The following SEC24D variants were observed in gnomAD, a reference collection of about 807,000 sequenced individuals.
The protein encoded by SEC24D is protein transport protein Sec24D.
A neutral mutation model predicts 116.9 loss-of-function variants in SEC24D; 69 were observed. The ratio of observed to expected loss-of-function variants is 0.59; its 90% CI spans 0.49 to 0.72. SEC24D has a LOEUF of 0.72. SEC24D is among the 30% of genes least tolerant of loss of function. The pLI is 0.00. For missense variants in SEC24D, 1,131 were observed against 1,264.1 expected, an observed-to-expected ratio of 0.89 and a Z score of 1.60; for synonymous variants, 405 against 442.8, an observed-to-expected ratio of 0.91 and a Z score of 1.07.
At chr4:118,796,990 T>C (rs961317190) in intron 8 of SEC24D, among the ~76,000 whole-genome samples, 4 of 152,186 alleles carry the variant, frequency 2.6e-5, no homozygotes, top group African/African-American at 9.7e-5. Flanking sequence ...CTTGCTCTGC[T>C]ATAGTGCCTG....
Position 118,744,977 on chromosome 4 carries a change from A to G in SEC24D, c.1791T>C (p.Asp597=), listed in dbSNP as rs774770545. Residue 597 remains aspartate, a synonymous_variant, in exon 14 of 23, where the codon GAT becomes GAC. Coordinates refer to ENST00000280551, the MANE Select transcript of SEC24D (RefSeq NM_014822.4). ...TGTCTGTATTAACCAGTTTTTTGTC[A>G]TCTCTGTTTTTGAGCTTCCCTGGTG... ...AEAPGKLKNR[D]DKKLVNTDKE... is the part of the protein sequence containing the mutation. The G allele has an allele frequency of 4.3e-6, 7 of 1,611,728 alleles. No individual in the cohort carries two copies. In the Admixed American group the frequency reaches 1.2e-4, roughly 27 times the overall value.
intron 8 of SEC24D, among the ~76,000 whole-genome samples, chr4:118,784,847 G>A (rs1295624539): frequency 2.0e-5 from 3 of 149,208 alleles, no homozygotes; most frequent in Non-Finnish European, 4.4e-5. Context: ...GAGAATAATA[G>A]TGAAACCTAA....
chr4:118,817,171 A>T, intron 4 of SEC24D, 93 bp downstream of exon 4: 1 of 1,007,490 alleles, frequency 9.9e-7, no homozygotes, highest in South Asian at 1.8e-5. Context: ...AGTATGCCCT[A>T]GTTACATCTA....
intron 13 of SEC24D, 44 bp downstream of exon 13, chr4:118,751,952 T>C: frequency 1.5e-6 from 2 of 1,308,362 alleles, no homozygotes; most frequent in Non-Finnish European, 2.2e-6. Context: ...GTCTCTCTGT[T>C]TTTAAAATTT....
chr4:118,742,720 ATGT>A (rs1336549568), intron 15 of SEC24D, among the ~76,000 whole-genome samples: 2 of 152,188 alleles, frequency 1.3e-5, no homozygotes, highest in African/African-American at 4.8e-5. Flanking sequence ...TTTGTCATTT[ATGT>A]TGGAGAATAC....
chr4:118,792,511 A>C (rs572856102), intron 8 of SEC24D, among the ~76,000 whole-genome samples: 342 of 152,364 alleles, frequency 2.2e-3, no homozygotes, highest in Non-Finnish European at 3.8e-3. Flanking sequence ...TGTAGAAAGA[A>C]GTAGACATAG....
Position 118,752,069 on chromosome 4 carries a change from T to G in SEC24D, c.1634A>C (p.Asp545Ala). The G allele has an allele frequency of 1.2e-6, 2 of 1,611,612 alleles. No individual in the cohort carries two copies. The highest frequency in any genetic ancestry group is 1.7e-6 in the Non-Finnish European group (2 of 1,178,234). Residue 545 changes from aspartate to alanine, a missense_variant, in exon 13 of 23, where the codon GAC becomes GCC. Coordinates refer to ENST00000280551, the MANE Select transcript of SEC24D (RefSeq NM_014822.4). The part of the protein sequence containing the change: ...VIHNLLDQIP[D>A]MFADSNENET... The stretch of plus-strand genomic sequence containing the variant: ...ATTTTCATTAGAGTCTGCAAACATG[T>G]CTGGAATCTGGTCCAACAAACTATA...
intron 20 of SEC24D, 104 bp from the exon 21 acceptor site, chr4:118,731,611 A>C (rs1283084208): frequency 1.2e-6 from 1 of 841,546 alleles, no homozygotes; most frequent in Non-Finnish European, 1.9e-6. Context: ...CTCAATGCAT[A>C]GTGAGTACCT....
chr4:118,807,028 A>G (rs1214262726), intron 6 of SEC24D, among the ~76,000 whole-genome samples: 2 of 152,212 alleles, frequency 1.3e-5, no homozygotes, highest in East Asian at 1.9e-4. Context: ...AATAAAAGAA[A>G]CTTCTAAAAG....
At chr4:118,773,904 ACTATT>A (rs1299193025) in intron 8 of SEC24D, among the ~76,000 whole-genome samples, 1 of 152,208 alleles carries the variant, frequency 6.6e-6, no homozygotes, top group Non-Finnish European at 1.5e-5. Flanking sequence ...AGAGAGCAAT[ACTATT>A]CTATTTAGAA....
intron 17 of SEC24D, 108 bp from the exon 18 acceptor site, chr4:118,739,395 CCTCTAA>C (rs1401833894): frequency 1.0e-6 from 1 of 970,608 alleles, no homozygotes; most frequent in African/African-American, 1.7e-5. Context: ...AGATAAAAGA[CCTCTAA>C]CTATTTTTCC....
rs552334177 is a variant in SEC24D, at chr4:118,756,725, C to T, written c.1421+996G>A. On this transcript the variant is annotated intron_variant, in intron 11 of 22. Coordinates refer to ENST00000280551, the MANE Select transcript of SEC24D (RefSeq NM_014822.4). ...ATTTCCCAGCCTGTTCATATTTCCTCGCATGAGGGATGGCATTCTCCCTGC... is the reference window on the plus strand; with the variant it reads ...ATTTCCCAGCCTGTTCATATTTCCTTGCATGAGGGATGGCATTCTCCCTGC... Among the ~76,000 whole-genome samples the T allele has an allele frequency of 2.6e-5, 4 of 152,240 alleles. No homozygotes were observed. In the South Asian group the frequency reaches 8.3e-4, roughly 32 times the overall value.
intron 2 of SEC24D, among the ~76,000 whole-genome samples, chr4:118,832,304 G>T (rs1287688097): frequency 1.3e-5 from 2 of 152,166 alleles, no homozygotes; most frequent in Non-Finnish European, 2.9e-5. Flanking sequence ...AATGAGAGTG[G>T]TAAACAGAGT....
Position 118,752,895 on chromosome 4 carries a change from G to T in SEC24D, c.1422-7C>A. ...CGTCTCTTCTTGCTCTTCCCTGTAA[G>T]GAAAAAAAAAAGTGTTTGAGATGCT... On this transcript the variant is annotated splice_polypyrimidine_tract_variant and splice_region_variant and intron_variant, in intron 11 of 22. Coordinates refer to ENST00000280551, the MANE Select transcript of SEC24D (RefSeq NM_014822.4). The T allele has an allele frequency of 6.7e-7, 1 of 1,503,654 alleles. No homozygotes were observed. The highest frequency in any genetic ancestry group is 1.5e-5 in the African/African-American group (1 of 67,716). 93.1% of individuals were successfully genotyped at this position (1,503,654 alleles called of 1,614,324 possible). A position where few individuals can be genotyped will look rare whatever the true frequency, so the allele number is the denominator to read the frequency against.
rs77664874 is a variant in SEC24D, at chr4:118,743,501, G to A, written c.1995+487C>T. 6.8e-3 allele frequency among the ~76,000 whole-genome samples: 1,040 copies of A among 152,104 alleles called. 30 individuals are homozygous for A. In the East Asian group the frequency reaches 0.087, roughly 13 times the overall value. On this transcript the variant is annotated intron_variant, in intron 15 of 22. Transcript: ENST00000280551. ...TGCATATAACCTACACACATTTTAC[G>A]TGTCCCTTAAATCACCTGTAGGTTA...
chr4:118,807,388 G>A (rs962064333), intron 6 of SEC24D, among the ~76,000 whole-genome samples: 2 of 152,056 alleles, frequency 1.3e-5, no homozygotes, highest in Non-Finnish European at 2.9e-5. Flanking sequence ...CTAGTAGTGT[G>A]GAGTTAAAAA....
intron 2 of SEC24D, among the ~76,000 whole-genome samples, chr4:118,828,016 G>T (rs1014080982): frequency 4.7e-4 from 71 of 152,036 alleles, no homozygotes; most frequent in African/African-American, 1.6e-3. Context: ...AATGACCATG[G>T]TCCCTAAAGC....
intron 8 of SEC24D, among the ~76,000 whole-genome samples, chr4:118,792,292 C>T (rs1482693435): frequency 6.7e-6 from 1 of 148,828 alleles, no homozygotes; most frequent in African/African-American, 2.5e-5. Context: ...CCCGCCCGGC[C>T]AGCTGCCCCG....
chr4:118,747,479 T>C (rs2110450593), intron 13 of SEC24D, among the ~76,000 whole-genome samples: 1 of 152,224 alleles, frequency 6.6e-6, no homozygotes, highest in East Asian at 1.9e-4. Context: ...TTGGTCAGGC[T>C]GGTCTCGAAC....
Sources: gnomAD v4.1 joint callset for allele counts (sites outside exome capture counted in the v4.1 genomes callset) on GRCh38, gnomAD v4.1.1 for gene constraint, MANE v1.5 for transcripts, NCBI Gene and HGNC (gene_info 2026-07-23, HGNC 2026-07-21) for gene names.